Variants in UBR4 observed in about 807,000 individuals in gnomAD.
UBR4 encodes E3 ubiquitin-protein ligase UBR4.
A neutral mutation model predicts 575.6 loss-of-function variants in UBR4; 124 were observed. The ratio of observed to expected loss-of-function variants is 0.22; its 90% CI spans 0.19 to 0.25. The LOEUF is 0.25. Ranked by LOEUF, UBR4 falls within the 10% of genes least tolerant of loss-of-function variation. The pLI is 1.00. For synonymous variants in UBR4, 2,455 were observed against 2,473.7 expected (o/e 0.99, Z 0.22); for missense variants, 4,818 against 6,478.8 (o/e 0.74, Z 8.80).
chr1:19,141,781 A>G lies in UBR4; in HGVS notation c.8180-4T>C. On this transcript the variant is annotated splice_region_variant and splice_polypyrimidine_tract_variant and intron_variant, in intron 55 of 105. Coordinates refer to ENST00000375254, the MANE Select transcript of UBR4 (RefSeq NM_020765.3). ...TCGTCATCATCATCCTTGTCTCCTGAGTCAAAGAAACCCCAGTCACCTGAA... is the reference window on the plus strand; with the variant it reads ...TCGTCATCATCATCCTTGTCTCCTGGGTCAAAGAAACCCCAGTCACCTGAA... 1 of 1,613,808 alleles carries G rather than the reference A, an allele frequency of 6.2e-7. No individual in the cohort carries two copies. Among genetic ancestry groups the G allele is most frequent in the Non-Finnish European group, 8.5e-7 (1 of 1,179,828 alleles).
Position 19,110,044 on chromosome 1 carries a change from AG to A in UBR4, c.12105+51del. ...AGGCAGGGCACACTGCCAGGGAATGAGGAGGGTGGCCGCCCTGCCCTTCCTT... is the reference window on the plus strand; with the variant it reads ...AGGCAGGGCACACTGCCAGGGAATGAGAGGGTGGCCGCCCTGCCCTTCCTT... On this transcript the variant is annotated intron_variant, in intron 81 of 105. Transcript: ENST00000375254. The surrounding 1 kb of genome is among the most constrained non-coding windows in gnomAD (Gnocchi z 4.5). 1 of 1,610,086 alleles carries A rather than the reference AG, an allele frequency of 6.2e-7. No homozygotes were observed. The highest frequency in any genetic ancestry group is 8.5e-7 in the Non-Finnish European group (1 of 1,178,484).
chr1:19,141,772 T>C lies in UBR4; in HGVS notation c.8185A>G (p.Lys2729Glu). Residue 2729 changes from lysine (K) to glutamate (E), a missense_variant, in exon 56 of 106, where the codon AAG becomes GAG. By Grantham distance (56) the Lys-to-Glu change is moderately conservative. Transcript: ENST00000375254. ...GCATCATCATCGTCATCATCATCCT[T>C]GTCTCCTGAGTCAAAGAAACCCCAG... ...SPRSNTPMGD[K>E]DDDDDDDADE... The C allele has an allele frequency of 6.2e-7, 1 of 1,614,086 alleles. No homozygotes were observed. Among genetic ancestry groups the C allele is most frequent in the Non-Finnish European group, 8.5e-7 (1 of 1,179,964 alleles).
intron 85 of UBR4, 26 bp downstream of exon 85, chr1:19,105,022 C>T: frequency 1.2e-6 from 2 of 1,608,572 alleles, no homozygotes; most frequent in East Asian, 4.5e-5. Context: ...AGGGAAGGGG[C>T]TCTCTTGGGC....
intron 69 of UBR4, 53 bp from the exon 70 acceptor site, chr1:19,119,754 C>G: frequency 6.4e-7 from 1 of 1,573,468 alleles, no homozygotes; most frequent in South Asian, 1.1e-5. Flanking sequence ...CCTGAGGCAC[C>G]TGTGTTTATC....
At position 19,117,542 on chromosome 1, in the gene UBR4, T is replaced by C. The variant is rs1254596644; in HGVS notation, c.10630-128A>G. The C allele has an allele frequency of 1.8e-6, 2 of 1,139,638 alleles. No individual in the cohort carries two copies. Among genetic ancestry groups the C allele is most frequent in the Admixed American group, 5.2e-5 (2 of 38,242 alleles). The allele number at this position is 1,139,638 out of a possible 1,614,324, so 70.6% of individuals were successfully genotyped here. On this transcript the variant is annotated intron_variant, in intron 72 of 105. Transcript: ENST00000375254. The surrounding 1 kb of genome is among the most constrained non-coding windows in gnomAD (Gnocchi z 4.0). ...CTATTTAATTTTTTAAAAAATATTTTGTAGAGATGGGGTCTCACCATCTTG... is the reference window on the plus strand; with the variant it reads ...CTATTTAATTTTTTAAAAAATATTTCGTAGAGATGGGGTCTCACCATCTTG...
At chr1:19,206,640 C>G (rs894244748) in intron 1 of UBR4, among the ~76,000 whole-genome samples, 1 of 152,128 alleles carries the variant, frequency 6.6e-6, no homozygotes, top group African/African-American at 2.4e-5. Flanking sequence ...CCAGCCAACC[C>G]TGTCTCTTAA....
intron 84 of UBR4, 109 bp from the exon 85 acceptor site, chr1:19,105,298 T>C (rs967320947): frequency 2.3e-6 from 3 of 1,319,468 alleles, no homozygotes; most frequent in African/African-American, 3.0e-5. Flanking sequence ...TGTCTGTCTC[T>C]CCTGCTTCCT....
chr1:19,183,968 A>C, intron 16 of UBR4, 48 bp downstream of exon 16: 2 of 1,613,942 alleles, frequency 1.2e-6, no homozygotes, highest in Non-Finnish European at 1.7e-6. Context: ...CCAACAGCCA[A>C]ACTCCATGAG....
chr1:19,087,279 G>C (rs1469863952), intron 99 of UBR4, among the ~76,000 whole-genome samples: 1 of 152,260 alleles, frequency 6.6e-6, no homozygotes, highest in African/African-American at 2.4e-5. Context: ...GTTCCAGCTG[G>C]AAAGAAGAGG....
chr1:19,208,029 T>C (rs948499665), intron 1 of UBR4, among the ~76,000 whole-genome samples: 1 of 152,212 alleles, frequency 6.6e-6, no homozygotes, highest in Non-Finnish European at 1.5e-5. Context: ...ACTTGATACG[T>C]TTAGCTGTTC....
chr1:19,183,681 C>T (rs1331814736), intron 17 of UBR4, 130 bp downstream of exon 17: 1 of 891,634 alleles, frequency 1.1e-6, no homozygotes, highest in Non-Finnish European at 1.8e-6. Context: ...AAGACCGTGT[C>T]ACTGCACTCC....
intron 1 of UBR4, among the ~76,000 whole-genome samples, chr1:19,206,066 G>T (rs946975054): frequency 6.6e-6 from 1 of 152,202 alleles, no homozygotes; most frequent in Non-Finnish European, 1.5e-5. Context: ...TCCCATGGAC[G>T]GTATGTGCTC....
At chr1:19,162,928 CAGATT>C (rs768579935) in intron 34 of UBR4, among the ~76,000 whole-genome samples, 1 of 152,032 alleles carries the variant, frequency 6.6e-6, no homozygotes. Context: ...AAGAAAAGAC[CAGATT>C]AGAGTATGAA....
chr1:19,176,118 T>G (rs2090233303), intron 20 of UBR4, among the ~76,000 whole-genome samples: 1 of 149,694 alleles, frequency 6.7e-6, no homozygotes, highest in African/African-American at 2.5e-5. Context: ...AAATAGAGTC[T>G]TGTTCTGCTG....
chr1:19,145,991 T>C (rs562790335), intron 52 of UBR4, 58 bp from the exon 53 acceptor site: 1 of 1,613,146 alleles, frequency 6.2e-7, no homozygotes, highest in South Asian at 1.1e-5. Context: ...ATTTAATTTG[T>C]TTTAAGGTTA....
intron 21 of UBR4, among the ~76,000 whole-genome samples, 153 bp downstream of exon 21, chr1:19,174,801 A>G (rs1271100393): frequency 6.6e-6 from 1 of 152,250 alleles, no homozygotes; most frequent in African/African-American, 2.4e-5. Context: ...TAAATATCCA[A>G]GTAACATTTT....
chr1:19,184,982 A>G (rs2091381150), intron 15 of UBR4, 117 bp downstream of exon 15: 2 of 1,290,652 alleles, frequency 1.5e-6, no homozygotes, highest in Non-Finnish European at 2.2e-6. Context: ...CTAAGCAAAA[A>G]TATCTTTAAA....
At chr1:19,104,294 G>A (rs1403335634) in intron 86 of UBR4, 37 bp from the exon 87 acceptor site, 1 of 1,608,808 alleles carries the variant, frequency 6.2e-7, no homozygotes, top group Non-Finnish European at 8.5e-7. Context: ...GAGAGCTCTG[G>A]ATGAAAACAT....
At position 19,110,319 on chromosome 1, in the gene UBR4, A is replaced by G. The variant is rs368247628; in HGVS notation, c.11977+61T>C. The G allele has an allele frequency of 5.6e-6, 9 of 1,613,120 alleles. No homozygotes were observed. On this transcript the variant is annotated intron_variant, in intron 80 of 105. Coordinates refer to ENST00000375254, the MANE Select transcript of UBR4 (RefSeq NM_020765.3). The surrounding 1 kb of genome is among the most constrained non-coding windows in gnomAD (Gnocchi z 4.5). ...GCATCAGTTTCCCTCCTCCCCTCCC[A>G]GTCCGGCCAGGACTGCTCCTTTGAG...
Sources: allele counts gnomAD v4.1 joint callset (sites outside exome capture counted in the v4.1 genomes callset), GRCh38; gene constraint gnomAD v4.1.1; non-coding constraint Gnocchi (gnomAD v3.1); transcripts MANE v1.5; gene names NCBI Gene and HGNC (gene_info 2026-07-23, HGNC 2026-07-21).